Variants in ZNF69 observed in about 807,000 individuals in gnomAD.
The protein encoded by ZNF69 is zinc finger protein 69.
Under a neutral mutation model 50.9 loss-of-function variants are expected in ZNF69, and 47 were observed. That is an observed-to-expected ratio of 0.92 (90% confidence interval 0.73 to 1.18). The LOEUF (loss-of-function observed/expected upper bound fraction) is 1.18. Among genes scored for constraint, ZNF69 ranks in the 50% most tolerant of loss-of-function variants. ZNF69 has a pLI of 0.00. For synonymous variants in ZNF69, 216 were observed against 223.1 expected (o/e 0.97, Z 0.29); for missense variants, 717 against 675.1 (o/e 1.06, Z -0.69).
At chr19:11,966,683 G>A in the ZNF69 span, among the ~76,000 whole-genome samples, 1 of 152,148 alleles carries the variant, frequency 6.6e-6, no homozygotes, top group Non-Finnish European at 1.5e-5. Context: ...CGCAAGGTAT[G>A]TTTTTAAGTT....
chr19:11,888,325 A>T (rs1976997739), intron 1 of ZNF69, among the ~76,000 whole-genome samples: 1 of 152,156 alleles, frequency 6.6e-6, no homozygotes, highest in African/African-American at 2.4e-5. Context: ...CGTGCTTGGG[A>T]GGAGCAGCGG....
At chr19:11,969,646 C>T in the ZNF69 span, among the ~76,000 whole-genome samples, 3 of 152,142 alleles carry the variant, frequency 2.0e-5, no homozygotes. Flanking sequence ...ACTGGTTTCC[C>T]CTTACATTTT....
At chr19:11,950,628 T>C in the ZNF69 span, 1 of 396,730 alleles carries the variant, frequency 2.5e-6, no homozygotes, top group African/African-American at 2.1e-5. Context: ...ATGTAAGCAG[T>C]ATGGGAAAGC....
At chr19:11,958,692 G>T in the ZNF69 span, among the ~76,000 whole-genome samples, 1 of 152,164 alleles carries the variant, frequency 6.6e-6, no homozygotes, top group African/African-American at 2.4e-5. Context: ...CCTGGCCTGT[G>T]TCTCCACAGT....
At position 11,903,554 on chromosome 19, in the gene ZNF69, C is replaced by T. The variant is rs1194688902; in HGVS notation, c.64-19C>T. ...TGTCACTCTCACCCATCCTCCTCTA[C>T]ACATGTGAGATGTTTCAGGACCCAG... On this transcript the variant is annotated intron_variant, in intron 1 of 3. Transcript: ENST00000429654. 4 of 1,613,630 alleles carry T rather than the reference C, an allele frequency of 2.5e-6. No individual in the cohort carries two copies. Among genetic ancestry groups the T allele is most frequent in the Non-Finnish European group, 3.4e-6 (4 of 1,179,892 alleles).
At chr19:11,955,798 C>G in the ZNF69 span, among the ~76,000 whole-genome samples, 1 of 152,152 alleles carries the variant, frequency 6.6e-6, no homozygotes, top group Non-Finnish European at 1.5e-5. Flanking sequence ...GTGGATAACT[C>G]TTCTCTTCCT....
chr19:11,888,563 A>C (rs559589713), intron 1 of ZNF69, among the ~76,000 whole-genome samples: 257 of 152,318 alleles, frequency 1.7e-3, no homozygotes, highest in Middle Eastern at 3.4e-3. Context: ...GCCTGGAGTA[A>C]GTGGTCCCGA....
At chr19:11,931,540 A>AGG in the ZNF69 span, among the ~76,000 whole-genome samples, 1 of 148,330 alleles carries the variant, frequency 6.7e-6, no homozygotes, top group Non-Finnish European at 1.5e-5. Flanking sequence ...TATTCTATAG[A>AGG]GGATCTTGTC....
chr19:11,927,363 A>G, the ZNF69 span, among the ~76,000 whole-genome samples: 9 of 151,988 alleles, frequency 5.9e-5, no homozygotes, highest in Non-Finnish European at 8.8e-5. Flanking sequence ...TCAAAAACCA[A>G]AACAAACAGG....
the ZNF69 span, among the ~76,000 whole-genome samples, chr19:11,954,995 AAT>A: frequency 2.1e-4 from 30 of 146,196 alleles, no homozygotes; most frequent in African/African-American, 7.6e-4. Context: ...GTTTCAAAAA[AAT>A]TTTTTTTTTT....
At chr19:11,929,835 C>T in the ZNF69 span, among the ~76,000 whole-genome samples, 1 of 148,260 alleles carries the variant, frequency 6.7e-6, no homozygotes, top group South Asian at 2.1e-4. Context: ...AGAGAATAAC[C>T]ACTAGACATT....
At chr19:11,948,923 A>C in the ZNF69 span, 1 of 1,607,170 alleles carries the variant, frequency 6.2e-7, no homozygotes, top group Non-Finnish European at 8.5e-7. Flanking sequence ...GAAAGAAGTC[A>C]CATGGGAGAG....
chr19:11,948,968 TTG>T, the ZNF69 span: 1 of 1,608,148 alleles, frequency 6.2e-7, no homozygotes, highest in South Asian at 1.1e-5. Flanking sequence ...GGAAAAGCAT[TTG>T]CATATACCAG....
chr19:11,920,641 ACTTTG>A, the ZNF69 span, among the ~76,000 whole-genome samples: 3 of 10,946 alleles, frequency 2.7e-4, no homozygotes, highest in Admixed American at 4.2e-3. Context: ...TAATCCCAGC[ACTTTG>A]GGAGGCTGAG....
chr19:11,920,593 A>C, the ZNF69 span, among the ~76,000 whole-genome samples: 1 of 152,044 alleles, frequency 6.6e-6, no homozygotes, highest in South Asian at 2.1e-4. Context: ...CAAATGAAAG[A>C]GACTTAGTGG....
the ZNF69 span, among the ~76,000 whole-genome samples, chr19:11,959,904 G>A: frequency 1.1e-4 from 16 of 152,228 alleles, no homozygotes; most frequent in Admixed American, 3.3e-4. Context: ...CTCTTAAGTA[G>A]AATCTCTGTA....
chr19:11,921,359 G>A, the ZNF69 span, among the ~76,000 whole-genome samples: 1 of 151,344 alleles, frequency 6.6e-6, no homozygotes, highest in Non-Finnish European at 1.5e-5. Flanking sequence ...TGTGCAGATG[G>A]AGTCTCACTA....
the ZNF69 span, among the ~76,000 whole-genome samples, chr19:11,946,248 C>T: frequency 6.6e-6 from 1 of 152,068 alleles, no homozygotes. Flanking sequence ...AGGGGTTTCT[C>T]CCGCAGCTTC....
At chr19:11,955,490 C>T in the ZNF69 span, among the ~76,000 whole-genome samples, 1 of 151,124 alleles carries the variant, frequency 6.6e-6, no homozygotes, top group Non-Finnish European at 1.5e-5. Flanking sequence ...ATCTTCCAGG[C>T]TTAAGCTATC....
Sources: gnomAD v4.1 joint callset for allele counts (sites outside exome capture counted in the v4.1 genomes callset) on GRCh38, gnomAD v4.1.1 for gene constraint, MANE v1.5 for transcripts, NCBI Gene and HGNC (gene_info 2026-07-23, HGNC 2026-07-21) for gene names.